GRIA2: variants seen among roughly 807,000 people sequenced by gnomAD.
The protein encoded by GRIA2 is glutamate ionotropic receptor AMPA type subunit 2.
A neutral mutation model predicts 97.3 loss-of-function variants in GRIA2; 14 were observed. The observed-to-expected ratio is 0.14, with a 90% confidence interval of 0.10 to 0.23. GRIA2 has a LOEUF of 0.23. GRIA2 is among the 10% of genes least tolerant of loss of function. The pLI, the probability that GRIA2 is intolerant of heterozygous loss-of-function variation, is 1.00. For synonymous variants in GRIA2, 412 were observed against 387.8 expected, an observed-to-expected ratio of 1.06 and a Z score of -0.73; for missense variants, 558 against 1,069.8, an observed-to-expected ratio of 0.52 and a Z score of 6.67.
chr4:157,232,506 C>A (rs796706568), intron 2 of GRIA2, among the ~76,000 whole-genome samples: 18 of 152,258 alleles, frequency 1.2e-4, no homozygotes, highest in African/African-American at 4.3e-4. Context: ...CAAGCACTTT[C>A]ATCATTTATC....
At position 157,299,942 on chromosome 4, in the gene GRIA2, G is replaced by A. The variant is rs958665072; in HGVS notation, c.230-3610G>A. Among the ~76,000 whole-genome samples, 5 of 152,278 alleles carry A rather than the reference G, an allele frequency of 3.3e-5. No individual in the cohort carries two copies. The East Asian group carries it at 9.7e-4, about 29-fold the overall frequency. On this transcript the variant is annotated intron_variant, in intron 2 of 15. Transcript: ENST00000264426. ...AGTGTCTCACAGTGTTATTGTGAAG[G>A]TCATGAAGCTGGAGGTGAAAATGAG...
At chr4:157,353,409 G>T (rs1006750045) in intron 12 of GRIA2, among the ~76,000 whole-genome samples, 1 of 151,736 alleles carries the variant, frequency 6.6e-6, no homozygotes, top group South Asian at 2.1e-4. Context: ...GGTGGCTCAC[G>T]CCTGTAATCC....
At chr4:157,225,811 T>C (rs1729719324) in intron 2 of GRIA2, among the ~76,000 whole-genome samples, 1 of 151,952 alleles carries the variant, frequency 6.6e-6, no homozygotes, top group Non-Finnish European at 1.5e-5. Flanking sequence ...AAAATCTGCC[T>C]TTTTGTGAAA....
chr4:157,226,008 A>G (rs1018302467), intron 2 of GRIA2, among the ~76,000 whole-genome samples: 1 of 151,996 alleles, frequency 6.6e-6, no homozygotes, highest in Non-Finnish European at 1.5e-5. Flanking sequence ...TATAAACATG[A>G]GTACTTGATT....
intron 2 of GRIA2, among the ~76,000 whole-genome samples, chr4:157,240,946 G>A (rs1730482343): frequency 6.6e-6 from 1 of 151,420 alleles, no homozygotes; most frequent in South Asian, 2.1e-4. Context: ...ACCTATGAGT[G>A]AGAATATGCG....
At chr4:157,348,032 C>T (rs1371914854) in intron 12 of GRIA2, among the ~76,000 whole-genome samples, 4 of 151,920 alleles carry the variant, frequency 2.6e-5, no homozygotes, top group Non-Finnish European at 5.9e-5. Context: ...AGGACAATAG[C>T]TTGAACCTGG....
chr4:157,243,844 C>T (rs1164622002), intron 2 of GRIA2, among the ~76,000 whole-genome samples: 1 of 151,780 alleles, frequency 6.6e-6, no homozygotes, highest in African/African-American at 2.4e-5. Flanking sequence ...TTGTCCTAAG[C>T]TCTGAGGGGC....
rs1579396828 is a variant in GRIA2, at chr4:157,363,801, C to G, written c.*370C>G. On this transcript the variant is annotated 3_prime_UTR_variant, in exon 16 of 16. Coordinates refer to ENST00000264426, the MANE Select transcript of GRIA2 (RefSeq NM_001083619.3). ...CGAGTTACAGACAAAGCGTGGTGGA[C>G]ATGCACAGCTAACATGGAAGTACTA... 6 of 362,786 alleles carry G rather than the reference C, an allele frequency of 1.7e-5. No individual in the cohort carries two copies. The East Asian group carries it at 2.4e-4, about 14-fold the overall frequency. The allele number at this position is 362,786 out of a possible 1,614,324, so 22.5% of individuals were successfully genotyped here. A position where few individuals can be genotyped will look rare whatever the true frequency, so the allele number is the denominator to read the frequency against.
Position 157,241,542 on chromosome 4 carries a change from C to A in GRIA2, c.229+19735C>A, listed in dbSNP as rs145980401. ...TATCTGTTTAGTTGATTTTGCCCTT[C>A]TTGTATTTAGTGTAACATAGACAAA... On this transcript the variant is annotated intron_variant, in intron 2 of 15. Coordinates refer to ENST00000264426, the MANE Select transcript of GRIA2 (RefSeq NM_001083619.3). Among the ~76,000 whole-genome samples, 53 of 152,168 alleles carry A rather than the reference C, an allele frequency of 3.5e-4. No homozygotes were observed. In the East Asian group the frequency reaches 0.01, roughly 29 times the overall value.
intron 12 of GRIA2, among the ~76,000 whole-genome samples, chr4:157,357,639 TA>T (rs1736450130): frequency 6.6e-6 from 1 of 152,098 alleles, no homozygotes; most frequent in African/African-American, 2.4e-5. Context: ...AGCCTCATTA[TA>T]AAAAAATGAC....
intron 12 of GRIA2, among the ~76,000 whole-genome samples, chr4:157,348,922 T>G (rs180784437): frequency 7.9e-5 from 12 of 152,340 alleles, no homozygotes; most frequent in Non-Finnish European, 2.9e-5. Flanking sequence ...AGATTACCTT[T>G]TCTTAACTGT....
intron 12 of GRIA2, among the ~76,000 whole-genome samples, chr4:157,344,995 A>G (rs1379234589): frequency 1.3e-5 from 2 of 152,134 alleles, no homozygotes; most frequent in Non-Finnish European, 2.9e-5. Flanking sequence ...ATATAAATTT[A>G]TAAGATGACT....
chr4:157,258,396 T>C (rs1036250056), intron 2 of GRIA2, among the ~76,000 whole-genome samples: 15 of 151,972 alleles, frequency 9.9e-5, no homozygotes, highest in Admixed American at 9.8e-4. Context: ...AGATAAGGGA[T>C]GAAATAAGCC....
intron 11 of GRIA2, among the ~76,000 whole-genome samples, chr4:157,339,356 A>C (rs1735448133): frequency 6.6e-6 from 1 of 151,986 alleles, no homozygotes; most frequent in South Asian, 2.1e-4. Flanking sequence ...TTAATTGTAG[A>C]AGTAATTTTT....
At chr4:157,292,723 T>G (rs571494542) in intron 2 of GRIA2, among the ~76,000 whole-genome samples, 1 of 152,238 alleles carries the variant, frequency 6.6e-6, no homozygotes, top group African/African-American at 2.4e-5. Context: ...ACTTTCTTAC[T>G]AATGATGATG....
At chr4:157,338,714 T>C (rs1735414560) in intron 11 of GRIA2, among the ~76,000 whole-genome samples, 1 of 152,118 alleles carries the variant, frequency 6.6e-6, no homozygotes, top group Non-Finnish European at 1.5e-5. Context: ...ATTTTTTCAT[T>C]CAGAATGTAT....
At chr4:157,348,540 A>C (rs1271513993) in intron 12 of GRIA2, among the ~76,000 whole-genome samples, 2 of 152,140 alleles carry the variant, frequency 1.3e-5, no homozygotes, top group Non-Finnish European at 2.9e-5. Flanking sequence ...CACCCAGCCC[A>C]AAAATGAAAT....
chr4:157,333,874 AAG>A (rs1478206046), intron 8 of GRIA2, 134 bp from the exon 9 acceptor site: 3 of 560,902 alleles, frequency 5.3e-6, no homozygotes, highest in Non-Finnish European at 9.8e-6. Flanking sequence ...ACATATATAA[AAG>A]ACATTTCTAT....
intron 2 of GRIA2, among the ~76,000 whole-genome samples, chr4:157,262,512 A>G (rs1731587074): frequency 6.6e-6 from 1 of 152,010 alleles, no homozygotes; most frequent in Non-Finnish European, 1.5e-5. Context: ...TGTCCTGGCA[A>G]TCACCTCTTA....
Sources: gnomAD v4.1 joint callset for allele counts (sites outside exome capture counted in the v4.1 genomes callset) on GRCh38, gnomAD v4.1.1 for gene constraint, MANE v1.5 for transcripts, NCBI Gene and HGNC (gene_info 2026-07-23, HGNC 2026-07-21) for gene names.